The following GALNT18 variants were observed in gnomAD, a reference collection of about 807,000 sequenced individuals.
GALNT18 encodes the protein GalNAc-transferase 18.
In GALNT18, 44 loss-of-function variants were observed where a neutral mutation model predicts 69.5. The observed-to-expected ratio is 0.63, with a 90% CI of 0.50 to 0.81. The LOEUF is 0.81. Ranked by LOEUF, GALNT18 falls within the 40% of genes least tolerant of loss-of-function variation. GALNT18 has a pLI of 0.00. For synonymous variants in GALNT18, 364 were observed against 318.2 expected, an observed-to-expected ratio of 1.14 and a Z score of -1.53; for missense variants, 715 against 810.0, an observed-to-expected ratio of 0.88 and a Z score of 1.42.
chr11:11,409,350 G>A lies in GALNT18; in HGVS notation c.595+23271C>T, dbSNP rs185528004. ...GTCTGTATCCCTGTCCTCCCACAGG[G>A]CAGGCCCAGCAGGTCCCAGAATCAA... On this transcript the variant is annotated intron_variant, in intron 3 of 10. Transcript: ENST00000227756. Among the ~76,000 whole-genome samples, 3 of 152,274 alleles carry A rather than the reference G, an allele frequency of 2.0e-5. No homozygotes were observed. The East Asian group carries it at 5.8e-4, about 29-fold the overall frequency.
rs565485642 is a variant in GALNT18, at chr11:11,465,810, G to A, written c.236-16874C>T. ...GAATTACTGCACGATATTTATGTAG[G>A]GTACTCAGCTATCTCTAGGGGAGGG... On this transcript the variant is annotated intron_variant, in intron 1 of 10. Transcript: ENST00000227756. The surrounding 1 kb of genome is among the most constrained non-coding windows in gnomAD (Gnocchi z 5.7). Among the ~76,000 whole-genome samples, 17 of 152,172 alleles carry A rather than the reference G, an allele frequency of 1.1e-4. 1 individual carries two copies. The South Asian group carries it at 3.5e-3, about 32-fold the overall frequency.
intron 1 of GALNT18, among the ~76,000 whole-genome samples, chr11:11,466,141 TTTATTCTGTA>T (rs1414391284): frequency 6.6e-6 from 1 of 152,248 alleles, no homozygotes; most frequent in Non-Finnish European, 1.5e-5. Context: ...CACATTCTGT[TTTATTCTGTA>T]ATATTCTATT....
chr11:11,467,589 C>G (rs7129279), intron 1 of GALNT18, among the ~76,000 whole-genome samples: 7 of 152,174 alleles, frequency 4.6e-5, no homozygotes, highest in Admixed American at 1.3e-4. Context: ...CACGCCCACA[C>G]GCTCATGCAT....
chr11:11,331,703 G>A (rs527382056), intron 8 of GALNT18, among the ~76,000 whole-genome samples: 1 of 152,248 alleles, frequency 6.6e-6, no homozygotes, highest in South Asian at 2.1e-4. Context: ...GATTATGTGA[G>A]CTTGTGAAAA....
intron 1 of GALNT18, among the ~76,000 whole-genome samples, chr11:11,566,431 G>T (rs988910591): frequency 2.6e-5 from 4 of 152,194 alleles, no homozygotes; most frequent in African/African-American, 9.6e-5. Flanking sequence ...ACTGAGGATT[G>T]TAAGTAACAC....
intron 3 of GALNT18, among the ~76,000 whole-genome samples, chr11:11,397,328 T>C (rs1442752987): frequency 1.3e-5 from 2 of 152,062 alleles, no homozygotes; most frequent in African/African-American, 2.4e-5. Flanking sequence ...TCAAAGAGTG[T>C]ATGGGAAAGA....
intron 9 of GALNT18, among the ~76,000 whole-genome samples, chr11:11,301,106 G>T (rs1371249912): frequency 1.3e-5 from 2 of 152,162 alleles, no homozygotes; most frequent in Non-Finnish European, 2.9e-5. Flanking sequence ...ACCCAGGAGG[G>T]AGAGGGCTAC....
intron 9 of GALNT18, among the ~76,000 whole-genome samples, chr11:11,307,714 G>T (rs999741312): frequency 6.6e-6 from 1 of 150,668 alleles, no homozygotes; most frequent in Non-Finnish European, 1.5e-5. Flanking sequence ...TTCCTTTAAG[G>T]TCCAGAAGCA....
chr11:11,313,315 A>G (rs1479657252), intron 9 of GALNT18, among the ~76,000 whole-genome samples: 1 of 152,118 alleles, frequency 6.6e-6, no homozygotes, highest in Non-Finnish European at 1.5e-5. Context: ...CCCAGGGTGG[A>G]TGGGGAAGGG....
chr11:11,609,245 A>G (rs1261222696), intron 1 of GALNT18, among the ~76,000 whole-genome samples: 2 of 152,090 alleles, frequency 1.3e-5, no homozygotes, highest in Non-Finnish European at 2.9e-5. Context: ...CTGCACAACC[A>G]GCTTCCCAAC....
At chr11:11,530,591 A>G (rs932381147) in intron 1 of GALNT18, among the ~76,000 whole-genome samples, 4 of 152,210 alleles carry the variant, frequency 2.6e-5, no homozygotes, top group Non-Finnish European at 5.9e-5. Flanking sequence ...AAAGGCAGGC[A>G]AAAGACTAAG....
At chr11:11,418,586 C>T (rs1383058365) in intron 3 of GALNT18, among the ~76,000 whole-genome samples, 1 of 152,224 alleles carries the variant, frequency 6.6e-6, no homozygotes, top group Non-Finnish European at 1.5e-5. Context: ...TTCCCTTCAC[C>T]TGTGGCTCAT....
At chr11:11,549,452 A>G (rs1174882329) in intron 1 of GALNT18, among the ~76,000 whole-genome samples, 3 of 152,358 alleles carry the variant, frequency 2.0e-5, no homozygotes, top group East Asian at 3.9e-4. Context: ...AACACTGCTC[A>G]TGAGACCATT....
intron 1 of GALNT18, among the ~76,000 whole-genome samples, chr11:11,522,092 C>T (rs888928172): frequency 6.6e-6 from 1 of 152,114 alleles, no homozygotes; most frequent in African/African-American, 2.4e-5. Flanking sequence ...CTTCTACCCA[C>T]CCTAGGAAGG....
At chr11:11,288,043 T>C (rs1849225948) in intron 10 of GALNT18, among the ~76,000 whole-genome samples, 1 of 152,188 alleles carries the variant, frequency 6.6e-6, no homozygotes, top group South Asian at 2.1e-4. Context: ...CTTAACTTGC[T>C]TCCCTGTTTC....
At chr11:11,451,029 A>C (rs150217547) in intron 1 of GALNT18, among the ~76,000 whole-genome samples, 1 of 152,240 alleles carries the variant, frequency 6.6e-6, no homozygotes, top group African/African-American at 2.4e-5. Context: ...CCTTAAAGAC[A>C]TAAAAGCAAA....
chr11:11,424,445 C>A (rs1262330883), intron 3 of GALNT18, among the ~76,000 whole-genome samples: 3 of 152,062 alleles, frequency 2.0e-5, no homozygotes, highest in Non-Finnish European at 4.4e-5. Context: ...TTTTTTAGAC[C>A]CTCTGAGACT....
intron 10 of GALNT18, among the ~76,000 whole-genome samples, chr11:11,273,955 G>A (rs1848880944): frequency 6.6e-6 from 1 of 152,188 alleles, no homozygotes; most frequent in Non-Finnish European, 1.5e-5. Flanking sequence ...CAGAAGGCGG[G>A]TGATTTCTGC....
chr11:11,521,085 G>A (rs1327316452), intron 1 of GALNT18, among the ~76,000 whole-genome samples: 2 of 151,490 alleles, frequency 1.3e-5, no homozygotes, highest in South Asian at 2.1e-4. Context: ...CCACGGGCTG[G>A]CAATTCCTCA....
Sources: allele counts gnomAD v4.1 joint callset (sites outside exome capture counted in the v4.1 genomes callset), GRCh38; gene constraint gnomAD v4.1.1; non-coding constraint Gnocchi (gnomAD v3.1); transcripts MANE v1.5; gene names NCBI Gene and HGNC (gene_info 2026-07-23, HGNC 2026-07-21).